PLD1: variants seen among roughly 807,000 people sequenced by gnomAD.
PLD1 encodes the protein phospholipase D1.
A neutral mutation model predicts 137.1 loss-of-function variants in PLD1; 112 were observed. That is an observed-to-expected ratio of 0.82 (90% CI 0.70 to 0.96). PLD1 has a LOEUF of 0.96. Ranked by LOEUF, PLD1 falls within the 40% of genes least tolerant of loss-of-function variation. The pLI is 0.00. For synonymous variants in PLD1, 431 were observed against 454.7 expected (o/e 0.95, Z 0.66); for missense variants, 1,321 against 1,342.0 (o/e 0.98, Z 0.24).
chr3:171,676,600 T>C, intron 18 of PLD1, 115 bp downstream of exon 18: 1 of 792,924 alleles, frequency 1.3e-6, no homozygotes, highest in Non-Finnish European at 2.1e-6. Flanking sequence ...AGCAGAGCAG[T>C]GACACAGTTG....
At chr3:171,751,655 G>A in intron 1 of PLD1, among the ~76,000 whole-genome samples, 1 of 152,162 alleles carries the variant, frequency 6.6e-6, no homozygotes, top group Non-Finnish European at 1.5e-5. Flanking sequence ...CAATGTATTG[G>A]TGAGGAAATG....
intron 1 of PLD1, chr3:171,809,110 T>A (rs1341774830): frequency 6.6e-6 from 1 of 152,068 alleles, no homozygotes; most frequent in Non-Finnish European, 1.5e-5. Flanking sequence ...CAGGCGTGAG[T>A]CACCGCGCCC....
In PLD1 at chr3:171,690,923, T is replaced by C. The variant is rs542981356; in HGVS notation, c.1338+1409A>G. Among the ~76,000 whole-genome samples, 7 of 152,348 alleles carry C rather than the reference T, an allele frequency of 4.6e-5. No homozygotes were observed. In the South Asian group the frequency reaches 1.2e-3, roughly 27 times the overall value. On this transcript the variant is annotated intron_variant, in intron 13 of 26. Transcript: ENST00000351298. ...GCTCTAACCATTACTGAGAGTGAGA[T>C]GTTGAAGTCTCCAACTATTATCATA...
intron 1 of PLD1, among the ~76,000 whole-genome samples, chr3:171,808,267 TG>T (rs1220577861): frequency 2.7e-5 from 4 of 150,448 alleles, no homozygotes; most frequent in Non-Finnish European, 5.9e-5. Context: ...TCGGGTGCAG[TG>T]GCTCACGCCT....
chr3:171,724,033 C>A (rs1718329133), intron 8 of PLD1, among the ~76,000 whole-genome samples: 1 of 152,174 alleles, frequency 6.6e-6, no homozygotes, highest in Non-Finnish European at 1.5e-5. Flanking sequence ...ATCCATTCAT[C>A]AATTGATGAA....
chr3:171,726,671 T>C (rs191845724), intron 6 of PLD1, among the ~76,000 whole-genome samples: 18 of 152,328 alleles, frequency 1.2e-4, no homozygotes, highest in Middle Eastern at 3.4e-3. Flanking sequence ...TTATTTTTAA[T>C]GAGTTGAAGA....
intron 23 of PLD1, among the ~76,000 whole-genome samples, chr3:171,626,780 T>C (rs1734152483): frequency 6.6e-6 from 1 of 151,668 alleles, no homozygotes; most frequent in Non-Finnish European, 1.5e-5. Flanking sequence ...AAAAATAAAA[T>C]ACTTTACAGA....
intron 1 of PLD1, among the ~76,000 whole-genome samples, chr3:171,750,871 A>T (rs571193036): frequency 2.0e-5 from 3 of 152,198 alleles, no homozygotes; most frequent in Non-Finnish European, 4.4e-5. Context: ...GTAACAGAGA[A>T]ATTATAATAG....
chr3:171,710,875 T>TA (rs1717154198), intron 9 of PLD1, among the ~76,000 whole-genome samples: 1 of 138,784 alleles, frequency 7.2e-6, no homozygotes, highest in Non-Finnish European at 1.5e-5. Flanking sequence ...AACTGTTCTT[T>TA]TTTTTTTTTT....
intron 6 of PLD1, among the ~76,000 whole-genome samples, chr3:171,729,421 C>CA (rs1488673892): frequency 7.9e-5 from 12 of 152,198 alleles, no homozygotes; most frequent in Non-Finnish European, 1.8e-4. Context: ...CTAGGGGTAA[C>CA]AAAAAATCCT....
intron 19 of PLD1, among the ~76,000 whole-genome samples, chr3:171,671,145 A>G (rs1348064578): frequency 6.6e-6 from 1 of 152,212 alleles, no homozygotes; most frequent in Non-Finnish European, 1.5e-5. Context: ...GTGTGCTTTT[A>G]TGATTTGTTA....
chr3:171,751,436 G>T (rs1560277375), intron 1 of PLD1, among the ~76,000 whole-genome samples: 1 of 152,032 alleles, frequency 6.6e-6, no homozygotes, highest in Non-Finnish European at 1.5e-5. Flanking sequence ...AATGTATAAA[G>T]AACTCCTATA....
At position 171,764,872 on chromosome 3, in the gene PLD1, AAAGAAAGAAAGAAAGAAAGAAAGG is replaced by A. The variant is rs1293573620; in HGVS notation, c.-31-26814_-31-26791del. ...GAAAGAAAGAAAGAAAGAAAGAAAG[AAAGAAAGAAAGAAAGAAAGAAAGG>A]AAGGAAGGAAGGAAGGAAAGAAAGA... On this transcript the variant is annotated intron_variant, in intron 1 of 26. Transcript: ENST00000351298. 3.1e-3 allele frequency among the ~76,000 whole-genome samples: 81 copies of A among 26,024 alleles called. 4 individuals are homozygous for A. The highest frequency in any genetic ancestry group is 4.7e-3 in the African/African-American group (32 of 6,876). 17.1% of individuals were successfully genotyped at this position (26,024 alleles called of 152,430 possible). A position where few individuals can be genotyped will look rare whatever the true frequency, so the allele number is the denominator to read the frequency against.
chr3:171,700,034 T>TTCTCTCTC (rs112036117), intron 11 of PLD1, among the ~76,000 whole-genome samples: 1,864 of 148,682 alleles, frequency 0.013, 39 homozygotes, highest in African/African-American at 0.041. Flanking sequence ...TCTTAGTTCT[T>TTCTCTCTC]TCTCTCTCTC....
At chr3:171,641,422 T>A (rs961836890) in intron 23 of PLD1, among the ~76,000 whole-genome samples, 1 of 152,200 alleles carries the variant, frequency 6.6e-6, no homozygotes, top group African/African-American at 2.4e-5. Flanking sequence ...TTCTTACTTT[T>A]AAGCTAAAAA....
rs183325715 is a variant in PLD1 at position 171,746,188 on chromosome 3, C to T, written c.-31-8106G>A. Among the ~76,000 whole-genome samples, 355 of 152,324 alleles carry T rather than the reference C, an allele frequency of 2.3e-3. 2 individuals carry two copies. Among genetic ancestry groups the T allele is most frequent in the Non-Finnish European group, 3.7e-3 (251 of 68,028 alleles). ...TCCCCTCCGCGGGCTCCCGCACAGCCGGAGCCTCCACGGGCACCACCCCCT... is the reference window on the plus strand; with the variant it reads ...TCCCCTCCGCGGGCTCCCGCACAGCTGGAGCCTCCACGGGCACCACCCCCT... On this transcript the variant is annotated intron_variant, in intron 1 of 26. Coordinates refer to ENST00000351298, the MANE Select transcript of PLD1 (RefSeq NM_002662.5).
rs920961289 is a variant in PLD1, at chr3:171,623,312, A to T, written c.2594-2792T>A. Among the ~76,000 whole-genome samples, 2 of 138,964 alleles carry T rather than the reference A, an allele frequency of 1.4e-5. 1 individual carries two copies. The highest frequency in any genetic ancestry group is 5.5e-5 in the African/African-American group (2 of 36,344). 91.2% of individuals were successfully genotyped at this position (138,964 alleles called of 152,430 possible). A position where few individuals can be genotyped will look rare whatever the true frequency, so the allele number is the denominator to read the frequency against. On this transcript the variant is annotated intron_variant, in intron 23 of 26. Transcript: ENST00000351298. ...AGCTATGAGTCATTAGCCCTATCAG[A>T]CTTTTTTTTTTTTTTTTTTTGAGAT...
At chr3:171,676,873 A>G in intron 17 of PLD1, 40 bp from the exon 18 acceptor site, 1 of 1,404,910 alleles carries the variant, frequency 7.1e-7, no homozygotes, top group Non-Finnish European at 1.0e-6. Context: ...CATTAACTTC[A>G]GTGTTGGGGC....
intron 23 of PLD1, among the ~76,000 whole-genome samples, chr3:171,638,849 G>T (rs1013368666): frequency 6.6e-6 from 1 of 152,106 alleles, no homozygotes; most frequent in Non-Finnish European, 1.5e-5. Context: ...AAAGTAGATT[G>T]CCCTCCCCAA....
Sources: gnomAD v4.1 joint callset for allele counts (sites outside exome capture counted in the v4.1 genomes callset) on GRCh38, gnomAD v4.1.1 for gene constraint, MANE v1.5 for transcripts, NCBI Gene and HGNC (gene_info 2026-07-23, HGNC 2026-07-21) for gene names.